The following TTLL4 variants were observed in gnomAD, a reference collection of about 807,000 sequenced individuals.
TTLL4 encodes the protein tubulin tyrosine ligase like 4.
A neutral mutation model predicts 122.7 loss-of-function variants in TTLL4; 85 were observed. That is an observed-to-expected ratio of 0.69 (90% CI 0.58 to 0.83). The LOEUF (loss-of-function observed/expected upper bound fraction) is 0.83. TTLL4 is among the 40% of genes least tolerant of loss of function. The pLI is 0.00. For synonymous variants in TTLL4, 553 were observed against 563.0 expected, an observed-to-expected ratio of 0.98 and a Z score of 0.25; for missense variants, 1,363 against 1,488.6, an observed-to-expected ratio of 0.92 and a Z score of 1.39.
chr2:218,744,368 A>G (rs1942782867), intron 5 of TTLL4, among the ~76,000 whole-genome samples: 1 of 152,176 alleles, frequency 6.6e-6, no homozygotes, highest in Non-Finnish European at 1.5e-5. Flanking sequence ...CTCAGCTTGT[A>G]CCTGACAGGT....
At chr2:218,745,568 G>C (rs1352346594) in intron 6 of TTLL4, 123 bp from the exon 7 acceptor site, 1 of 713,102 alleles carries the variant, frequency 1.4e-6, no homozygotes, top group Non-Finnish European at 2.5e-6. Context: ...CTGATCTGGA[G>C]CAATAGTTAG....
chr2:218,751,803 T>A lies in TTLL4; in HGVS notation c.2973T>A (p.Asp991Glu). 6.2e-7 allele frequency: 1 copy of A among 1,610,716 alleles called. No individual in the cohort carries two copies. Among genetic ancestry groups the A allele is most frequent in the South Asian group, 1.1e-5 (1 of 90,790 alleles). Reference protein sequence around the residue: ...KAYYLTQKIPDQDFYASVLDV... With the variant: ...KAYYLTQKIPEQDFYASVLDV... ...ATTATCTGACCCAGAAAATTCCTGA[T>A]CAGGTAGGAGATTGGTCTTCCCCCC... The change falls in exon 16 of 20, where the codon GAT becomes GAA. Residue 991 changes from aspartate (D) to glutamate (E), a missense_variant. Asp to Glu is a conservative substitution (Grantham distance 45, BLOSUM62 2). This residue lies in a region of TTLL4 where 596 missense variants were observed against 655.8 expected (regional missense o/e 0.91). Transcript: ENST00000392102.
rs1237928678 is a variant in TTLL4, at chr2:218,754,497, C to T, written c.*108C>T. 5.6e-6 allele frequency: 8 copies of T among 1,430,134 alleles called. No individual in the cohort carries two copies. Among genetic ancestry groups the T allele is most frequent in the Non-Finnish European group, 7.6e-6 (8 of 1,056,164 alleles). The allele number at this position is 1,430,134 out of a possible 1,614,324, so 88.6% of individuals were successfully genotyped here. On this transcript the variant is annotated 3_prime_UTR_variant, in exon 20 of 20. Coordinates refer to ENST00000392102, the MANE Select transcript of TTLL4 (RefSeq NM_014640.5). ...GACCCCCTACCCCTTTCACCCTGTC[C>T]CTCCTCAGAGTATTTTTTGAAGTGG...
Position 218,717,801 on chromosome 2 carries a change from C to CT in TTLL4, c.-178+6778dup, listed in dbSNP as rs923415185. ...CCAGGCAAGTCAGTTCTATCTTCTT[C>CT]TTTTTTTTTTTTTTGGAGACAGAGT... On this transcript the variant is annotated intron_variant, in intron 1 of 19. Transcript: ENST00000392102. Among the ~76,000 whole-genome samples the CT allele has an allele frequency of 8.8e-3, 1,269 of 144,254 alleles. 8 individuals carry two copies. The highest frequency in any genetic ancestry group is 0.026 in the African/African-American group (1,015 of 39,652). 94.6% of individuals were successfully genotyped at this position (144,254 alleles called of 152,430 possible).
In TTLL4 at chr2:218,752,851, A is replaced by G. The variant is rs1318163267; in HGVS notation, c.3065A>G (p.Gln1022Arg). 6.2e-7 allele frequency: 1 copy of G among 1,614,208 alleles called. No individual in the cohort carries two copies. The highest frequency in any genetic ancestry group is 1.1e-5 in the South Asian group (1 of 91,086). ...EMEDEFSRRG[Q>R]FERIFPSHIS... ...GAAGATGAGTTTTCTCGCCGTGGTCAGTTTGAACGAATTTTTCCTTCTCAT... is the reference window on the plus strand; with the variant it reads ...GAAGATGAGTTTTCTCGCCGTGGTCGGTTTGAACGAATTTTTCCTTCTCAT... The change falls in exon 17 of 20, where the codon CAG becomes CGG. Residue 1022 changes from glutamine (Q) to arginine (R), a missense_variant. By Grantham distance (43) the Gln-to-Arg change is conservative (BLOSUM62 1). This residue lies in a region of TTLL4 where 596 missense variants were observed against 655.8 expected (regional missense o/e 0.91). Coordinates refer to ENST00000392102, the MANE Select transcript of TTLL4 (RefSeq NM_014640.5).
intron 1 of TTLL4, among the ~76,000 whole-genome samples, chr2:218,713,679 A>G (rs1243317437): frequency 6.6e-6 from 1 of 152,250 alleles, no homozygotes; most frequent in African/African-American, 2.4e-5. Context: ...AAAACCACAG[A>G]AAGATAATTA....
intron 1 of TTLL4, among the ~76,000 whole-genome samples, chr2:218,717,018 C>T (rs1941882636): frequency 1.3e-5 from 2 of 151,554 alleles, no homozygotes; most frequent in African/African-American, 2.4e-5. Context: ...TTTTTTTGTC[C>T]GAAGACAGGC....
At chr2:218,748,725 G>A (rs962524493) in intron 12 of TTLL4, 111 bp from the exon 13 acceptor site, 5 of 819,494 alleles carry the variant, frequency 6.1e-6, no homozygotes, top group South Asian at 3.8e-5. Flanking sequence ...TTTAAACTGC[G>A]AAAGGAAGAG....
intron 2 of TTLL4, chr2:218,728,167 G>A (rs1043092180): frequency 7.3e-6 from 1 of 136,680 alleles, no homozygotes; most frequent in African/African-American, 2.6e-5. Context: ...GGTGGGTGGG[G>A]GAGGCGATGG....
In TTLL4 at chr2:218,740,533, G is replaced by C; in HGVS notation, c.1610G>C (p.Cys537Ser). ...ENEEEEGDSE[C>S]SSLSAVSPSE... is the part of the protein sequence containing the mutation. ...TTCCTTCCTCTAGGAGACTCAGAGT[G>C]CTCCTCATTAAGTGCTGTCTCCCCC... Residue 537 changes from cysteine to serine, a missense_variant, in exon 5 of 20, where the codon TGC (cysteine) becomes TCC (serine). Cys to Ser is a moderately radical substitution (Grantham distance 112). Transcript: ENST00000392102. 1 of 1,614,166 alleles carries C rather than the reference G, an allele frequency of 6.2e-7. No homozygotes were observed. The highest frequency in any genetic ancestry group is 1.7e-5 in the Admixed American group (1 of 60,024).
chr2:218,717,813 T>C (rs1941909607), intron 1 of TTLL4, among the ~76,000 whole-genome samples: 1 of 152,042 alleles, frequency 6.6e-6, no homozygotes, highest in African/African-American at 2.4e-5. Context: ...TTTTTTTTTT[T>C]TTGGAGACAG....
At chr2:218,735,172 A>C (rs1942482886) in intron 2 of TTLL4, among the ~76,000 whole-genome samples, 1 of 152,184 alleles carries the variant, frequency 6.6e-6, no homozygotes. Flanking sequence ...GGCTGTAGAC[A>C]GGAATCTTAG....
In TTLL4 at chr2:218,738,988, G is replaced by GA. The variant is rs1455911044; in HGVS notation, c.1314dup (p.Ser439IlefsTer4). 33 of 1,614,032 alleles carry GA rather than the reference G, an allele frequency of 2.0e-5. No individual in the cohort carries two copies. Among genetic ancestry groups the GA allele is most frequent in the Non-Finnish European group, 2.8e-5 (33 of 1,180,042 alleles). ...TGGGCTCAATCACAACCCTGCCTGT[G>GA]AATCTGTAATTGACTCCTCAGCATT... On this transcript the variant is annotated frameshift_variant, in exon 3 of 20. Transcript: ENST00000392102. LOFTEE classifies it high-confidence loss of function.
In TTLL4 at chr2:218,747,942, G is replaced by A; in HGVS notation, c.2379-163G>A. On this transcript the variant is annotated intron_variant, in intron 11 of 19. Coordinates refer to ENST00000392102, the MANE Select transcript of TTLL4 (RefSeq NM_014640.5). This position sits in a 1 kb window ranked among gnomAD's most constrained non-coding sequence, Gnocchi z 4.7. ...GATAAAGGAGATGAGTTTAGCTGTG[G>A]TTTTTCAGAACTTTGCCAGTAGACA... The A allele has an allele frequency of 2.5e-6, 3 of 1,186,600 alleles. No individual in the cohort carries two copies. The highest frequency in any genetic ancestry group is 3.6e-6 in the Non-Finnish European group (3 of 843,538). 73.5% of individuals were successfully genotyped at this position (1,186,600 alleles called of 1,614,324 possible).
chr2:218,754,306 A>C lies in TTLL4; in HGVS notation c.3517A>C (p.Lys1173Gln). The change falls in exon 20 of 20, where the codon AAG (lysine) becomes CAG (glutamine). Residue 1173 changes from lysine to glutamine, a missense_variant. Lys to Gln is a moderately conservative substitution (Grantham distance 53). Coordinates refer to ENST00000392102, the MANE Select transcript of TTLL4 (RefSeq NM_014640.5). ...TTCTACCCAGACGTTACCTGTGATC[A>C]AGTGCTCTGGGCAGACTTCAAGACT... Reference protein sequence around the residue: ...SLSTQTLPVIKCSGQTSRLSA... With the variant: ...SLSTQTLPVIQCSGQTSRLSA... The C allele has an allele frequency of 3.7e-6, 6 of 1,614,162 alleles. No individual in the cohort carries two copies. Among genetic ancestry groups the C allele is most frequent in the Non-Finnish European group, 5.1e-6 (6 of 1,180,028 alleles).
In TTLL4 at chr2:218,754,753, G is replaced by A; in HGVS notation, c.*364G>A. 3.5e-6 allele frequency: 1 copy of A among 286,824 alleles called. No individual in the cohort carries two copies. Among genetic ancestry groups the A allele is most frequent in the Non-Finnish European group, 6.6e-6 (1 of 151,512 alleles). 17.8% of individuals were successfully genotyped at this position (286,824 alleles called of 1,614,324 possible). On this transcript the variant is annotated 3_prime_UTR_variant, in exon 20 of 20. Coordinates refer to ENST00000392102, the MANE Select transcript of TTLL4 (RefSeq NM_014640.5). ...GTGGTTGCTGAGTTGTAGCTCAAGA[G>A]GAGAAAACATACAGAACATATTTGG...
At chr2:218,746,051 G>C in intron 7 of TTLL4, 104 bp from the exon 8 acceptor site, 1 of 1,412,956 alleles carries the variant, frequency 7.1e-7, no homozygotes, top group Non-Finnish European at 1.0e-6. Flanking sequence ...GCAACTCTTT[G>C]AAAACCAAGT....
At chr2:218,748,526 G>T in intron 12 of TTLL4, 1 of 433,208 alleles carries the variant, frequency 2.3e-6, no homozygotes, top group Non-Finnish European at 4.1e-6. Flanking sequence ...GTGGTGGCAG[G>T]CGCCTACAAT....
intron 1 of TTLL4, among the ~76,000 whole-genome samples, chr2:218,721,551 G>C (rs187442207): frequency 6.6e-6 from 1 of 152,168 alleles, no homozygotes; most frequent in Non-Finnish European, 1.5e-5. Flanking sequence ...GGCCTCTGGA[G>C]CATTCCTTGG....
Sources: allele counts gnomAD v4.1 joint callset (sites outside exome capture counted in the v4.1 genomes callset), GRCh38; gene constraint gnomAD v4.1.1; regional missense constraint gnomAD v4.1.1; non-coding constraint Gnocchi (gnomAD v3.1); transcripts MANE v1.5; gene names NCBI Gene and HGNC (gene_info 2026-07-23, HGNC 2026-07-21).